The following LHFPL2 variants were observed in gnomAD, a reference collection of about 807,000 sequenced individuals.
LHFPL2 encodes the protein LHFPL tetraspan subfamily member 2.
A neutral mutation model predicts 17.5 loss-of-function variants in LHFPL2; 7 were observed. That is an observed-to-expected ratio of 0.40 (90% confidence interval 0.23 to 0.75). The LOEUF is 0.75. LHFPL2 is among the 30% of genes least tolerant of loss of function. The probability of loss-of-function intolerance (pLI) is 0.37; values close to 1 mark genes in which losing one functional copy is unlikely to be tolerated. For synonymous variants in LHFPL2, 134 were observed against 116.2 expected, an observed-to-expected ratio of 1.15 and a Z score of -0.99; for missense variants, 241 against 294.8, an observed-to-expected ratio of 0.82 and a Z score of 1.34.
chr5:78,569,654 C>G (rs1561343496), intron 2 of LHFPL2, among the ~76,000 whole-genome samples: 1 of 152,286 alleles, frequency 6.6e-6, no homozygotes, highest in Admixed American at 6.5e-5. Flanking sequence ...AACCGTCTAC[C>G]AAGCACAGAA....
chr5:78,626,619 C>T (rs1333357363), intron 2 of LHFPL2: 1 of 152,170 alleles, frequency 6.6e-6, no homozygotes, highest in Non-Finnish European at 1.5e-5. Context: ...TCCGCAGTCT[C>T]CATCATCAAC....
rs529139100 is a variant in LHFPL2 at position 78,529,330 on chromosome 5, G to T, written c.-185-18932C>A. On this transcript the variant is annotated intron_variant, in intron 3 of 4. Coordinates refer to ENST00000380345, the MANE Select transcript of LHFPL2 (RefSeq NM_005779.3). Reference sequence around the variant, plus strand: ...AAAAGTTTGCGCAGACCAACACCTGGAATCCTGTAGCAACTGCCTTCATAA... The same window carrying T: ...AAAAGTTTGCGCAGACCAACACCTGTAATCCTGTAGCAACTGCCTTCATAA... 4.6e-5 allele frequency among the ~76,000 whole-genome samples: 7 copies of T among 152,266 alleles called. No homozygotes were observed. The South Asian group carries it at 6.2e-4, about 14-fold the overall frequency.
At chr5:78,645,274 A>G (rs906080360) in intron 1 of LHFPL2, among the ~76,000 whole-genome samples, 1 of 149,906 alleles carries the variant, frequency 6.7e-6, no homozygotes, top group African/African-American at 2.5e-5. Context: ...TCTAATGTGT[A>G]CTCTGTAAGA....
intron 2 of LHFPL2, among the ~76,000 whole-genome samples, chr5:78,610,520 A>G (rs1744382604): frequency 6.6e-6 from 1 of 152,168 alleles, no homozygotes; most frequent in African/African-American, 2.4e-5. Flanking sequence ...TGTGGTGTGC[A>G]TGGGAGGATG....
Position 78,510,189 on chromosome 5 carries a change from G to C in LHFPL2, c.25C>G (p.Arg9Gly), listed in dbSNP as rs1388368427. The C allele has an allele frequency of 6.2e-7, 1 of 1,600,162 alleles. No homozygotes were observed. Among genetic ancestry groups the C allele is most frequent in the South Asian group, 1.1e-5 (1 of 90,508 alleles). ...CTCAGCAAGGTCCAGAGCATCGAGCGACAGGTGACAATGACATGACACATA... is the reference window on the plus strand; with the variant it reads ...CTCAGCAAGGTCCAGAGCATCGAGCCACAGGTGACAATGACATGACACATA... MCHVIVTC[R>G]SMLWTLLSIV... The change falls in exon 4 of 5, where the codon CGC (arginine) becomes GGC (glycine). Residue 9 changes from arginine (R) to glycine (G), a missense_variant. Arg to Gly is a moderately radical substitution (Grantham distance 125). Coordinates refer to ENST00000380345, the MANE Select transcript of LHFPL2 (RefSeq NM_005779.3).
intron 2 of LHFPL2, among the ~76,000 whole-genome samples, chr5:78,617,962 G>T (rs1744678666): frequency 6.6e-6 from 1 of 152,072 alleles, no homozygotes; most frequent in Non-Finnish European, 1.5e-5. Flanking sequence ...CAGCACTTTG[G>T]GAGGCCAAGA....
chr5:78,601,470 T>G (rs375245380), intron 2 of LHFPL2, among the ~76,000 whole-genome samples: 1 of 152,192 alleles, frequency 6.6e-6, no homozygotes, highest in South Asian at 2.1e-4. Context: ...TTAATATTGA[T>G]GGTGAAGGGT....
chr5:78,646,310 C>T (rs931951940), intron 1 of LHFPL2, among the ~76,000 whole-genome samples: 3 of 152,222 alleles, frequency 2.0e-5, no homozygotes, highest in African/African-American at 7.2e-5. Context: ...GCCACTGACT[C>T]TAAAACCAGG....
intron 2 of LHFPL2, among the ~76,000 whole-genome samples, chr5:78,592,228 C>T (rs955810817): frequency 2.6e-5 from 4 of 152,176 alleles, no homozygotes; most frequent in Admixed American, 6.5e-5. Context: ...TACTCAGACA[C>T]GGCAAGGCAT....
rs189633194 is a variant in LHFPL2 at position 78,545,146 on chromosome 5, A to G, written c.-186+19667T>C. Among the ~76,000 whole-genome samples, 6 of 152,244 alleles carry G rather than the reference A, an allele frequency of 3.9e-5. No individual in the cohort carries two copies. In the East Asian group the frequency reaches 1.2e-3, roughly 29 times the overall value. On this transcript the variant is annotated intron_variant, in intron 3 of 4. Coordinates refer to ENST00000380345, the MANE Select transcript of LHFPL2 (RefSeq NM_005779.3). Reference sequence around the variant, plus strand: ...AGGCGGATCATACACTTTCACAGCCATTTGGTCCAAAACCACGCAGAGAGC... The same window carrying G: ...AGGCGGATCATACACTTTCACAGCCGTTTGGTCCAAAACCACGCAGAGAGC...
intron 2 of LHFPL2, among the ~76,000 whole-genome samples, chr5:78,602,637 G>T (rs1580848749): frequency 6.6e-6 from 1 of 152,052 alleles, no homozygotes; most frequent in Non-Finnish European, 1.5e-5. Flanking sequence ...ACTTATCCTG[G>T]GCAGATAAGT....
At chr5:78,509,670 CAG>C (rs1256927878) in intron 4 of LHFPL2, 112 bp downstream of exon 4, 4 of 1,077,760 alleles carry the variant, frequency 3.7e-6, no homozygotes, top group Non-Finnish European at 5.4e-6. Context: ...CCTGAATAGA[CAG>C]AAAGTGGTCT....
rs1743334042 is a variant in LHFPL2 at position 78,585,158 on chromosome 5, C to T, written c.-244-20287G>A. On this transcript the variant is annotated intron_variant, in intron 2 of 4. Coordinates refer to ENST00000380345, the MANE Select transcript of LHFPL2 (RefSeq NM_005779.3). The stretch of plus-strand genomic sequence containing the variant: ...AGTAGCTGGGACTACAGGTGCCCGC[C>T]ACTACGCCCGGCTAATTTTTTGTAT... Among the ~76,000 whole-genome samples the T allele has an allele frequency of 1.7e-5, 2 of 114,830 alleles. 1 individual carries two copies. Among genetic ancestry groups the T allele is most frequent in the African/African-American group, 6.1e-5 (2 of 32,676 alleles). The allele number at this position is 114,830 out of a possible 152,430, so 75.3% of individuals were successfully genotyped here.
intron 2 of LHFPL2, among the ~76,000 whole-genome samples, chr5:78,578,624 G>GAA (rs1757196046): frequency 2.1e-5 from 3 of 142,366 alleles, no homozygotes; most frequent in South Asian, 2.2e-4. Context: ...CACACACAGA[G>GAA]ACAGGTCATA....
At position 78,509,815 on chromosome 5, in the gene LHFPL2, G is replaced by T. The variant is rs1364629354; in HGVS notation, c.399C>A (p.Phe133Leu). Reference sequence around the variant, plus strand: ...TTCCTTGCAACAGCCCACAGACATTGAAGATGCTTTTCTTCATGATGCTCT... The same window carrying T: ...TTCCTTGCAACAGCCCACAGACATTTAAGATGCTTTTCTTCATGATGCTCT... ...CVQSIMKKSI[F>L]NVCGLLQGIA... The change falls in exon 4 of 5, where the codon TTC becomes TTA. Residue 133 changes from phenylalanine to leucine, a missense_variant. By Grantham distance (22) the Phe-to-Leu change is conservative (BLOSUM62 0). Transcript: ENST00000380345. The T allele has an allele frequency of 6.2e-7, 1 of 1,613,502 alleles. No homozygotes were observed. Among genetic ancestry groups the T allele is most frequent in the Non-Finnish European group, 8.5e-7 (1 of 1,179,444 alleles).
At chr5:78,514,458 C>A (rs1338098429) in intron 3 of LHFPL2, among the ~76,000 whole-genome samples, 1 of 152,082 alleles carries the variant, frequency 6.6e-6, no homozygotes, top group Non-Finnish European at 1.5e-5. Context: ...CTGTGGGAGT[C>A]AGTCCTATGT....
intron 2 of LHFPL2, among the ~76,000 whole-genome samples, chr5:78,621,961 C>G (rs1744871250): frequency 6.6e-6 from 1 of 152,144 alleles, no homozygotes; most frequent in African/African-American, 2.4e-5. Context: ...AGTCAGTGTT[C>G]CTCCCGAGAA....
At chr5:78,584,411 G>A (rs1743286439) in intron 2 of LHFPL2, among the ~76,000 whole-genome samples, 1 of 152,100 alleles carries the variant, frequency 6.6e-6, no homozygotes, top group African/African-American at 2.4e-5. Flanking sequence ...CATCTTTGTG[G>A]TTTTATCTAC....
chr5:78,631,483 C>A (rs1745244463), intron 2 of LHFPL2, among the ~76,000 whole-genome samples: 1 of 152,200 alleles, frequency 6.6e-6, no homozygotes, highest in Non-Finnish European at 1.5e-5. Context: ...AAAAGGAACT[C>A]ACAGACAAGA....
Sources: gnomAD v4.1 joint callset for allele counts (sites outside exome capture counted in the v4.1 genomes callset) on GRCh38, gnomAD v4.1.1 for gene constraint, MANE v1.5 for transcripts, NCBI Gene and HGNC (gene_info 2026-07-23, HGNC 2026-07-21) for gene names.